The following BCAS1 variants were observed in gnomAD, a reference collection of about 807,000 sequenced individuals.
BCAS1 encodes the protein brain enriched myelin associated protein 1, also known as breast carcinoma-amplified sequence 1.
Under a neutral mutation model 65.4 loss-of-function variants are expected in BCAS1, and 46 were observed. The observed-to-expected ratio is 0.70, with a 90% confidence interval of 0.55 to 0.90. The LOEUF (loss-of-function observed/expected upper bound fraction) is 0.90. Ranked by LOEUF, BCAS1 falls within the 40% of genes least tolerant of loss-of-function variation. The probability of loss-of-function intolerance (pLI) is 0.00; values close to 1 mark genes in which losing one functional copy is unlikely to be tolerated. For missense variants in BCAS1, 793 were observed against 771.2 expected (o/e 1.03, Z -0.33); for synonymous variants, 298 against 293.5 (o/e 1.02, Z -0.16).
At chr20:54,063,952 T>C (rs2092405873) in intron 1 of BCAS1, among the ~76,000 whole-genome samples, 1 of 149,586 alleles carries the variant, frequency 6.7e-6, no homozygotes. Flanking sequence ...GTTTTGTCTT[T>C]ATGACCTTAT....
chr20:54,053,230 A>T (rs556709643), intron 3 of BCAS1, among the ~76,000 whole-genome samples: 6 of 152,236 alleles, frequency 3.9e-5, no homozygotes, highest in Admixed American at 6.5e-5. Context: ...TTTTTAATAT[A>T]TTGTTACTTA....
chr20:54,041,805 A>C (rs1447795460), intron 3 of BCAS1, among the ~76,000 whole-genome samples: 1 of 150,106 alleles, frequency 6.7e-6, no homozygotes, highest in Non-Finnish European at 1.5e-5. Context: ...AGGCGGTGGC[A>C]GGAGAATCAT....
At chr20:53,957,521 C>G in intron 10 of BCAS1, 24 bp from the exon 11 acceptor site, 1 of 1,602,904 alleles carries the variant, frequency 6.2e-7, no homozygotes, top group Non-Finnish European at 8.5e-7. Flanking sequence ...CAGACAATGG[C>G]CTTCAGCCAC....
intron 8 of BCAS1, among the ~76,000 whole-genome samples, chr20:53,978,796 A>G (rs775398568): frequency 6.6e-6 from 1 of 152,204 alleles, no homozygotes; most frequent in Admixed American, 6.5e-5. Flanking sequence ...TGACACATGT[A>G]AAAGAAAATC....
At chr20:53,977,574 G>C (rs189661838) in intron 8 of BCAS1, among the ~76,000 whole-genome samples, 16 of 152,232 alleles carry the variant, frequency 1.1e-4, no homozygotes, top group African/African-American at 3.9e-4. Flanking sequence ...GTTTCTGGTT[G>C]TTCATTGCTC....
chr20:54,021,397 T>TA (rs563492495), intron 4 of BCAS1, among the ~76,000 whole-genome samples: 7 of 91,224 alleles, frequency 7.7e-5, no homozygotes, highest in African/African-American at 1.4e-4. Context: ...GCATTACGTC[T>TA]AAAAAAAAAG....
intron 4 of BCAS1, among the ~76,000 whole-genome samples, chr20:54,006,913 C>CA (rs1360995000): frequency 1.3e-5 from 2 of 152,078 alleles, no homozygotes; most frequent in South Asian, 2.1e-4. Flanking sequence ...CCGAAGTGGA[C>CA]AAAAACACAG....
At chr20:53,957,088 G>A (rs958059565) in intron 11 of BCAS1, among the ~76,000 whole-genome samples, 3 of 152,156 alleles carry the variant, frequency 2.0e-5, no homozygotes, top group East Asian at 1.9e-4. Flanking sequence ...TTGTGATGAC[G>A]CTATGAAATA....
At chr20:54,033,978 A>G (rs1295116598) in intron 3 of BCAS1, among the ~76,000 whole-genome samples, 1 of 151,518 alleles carries the variant, frequency 6.6e-6, no homozygotes, top group Non-Finnish European at 1.5e-5. Context: ...TTGGTTCAAC[A>G]TATACAAATC....
At chr20:54,000,422 T>G (rs1025278025) in intron 4 of BCAS1, among the ~76,000 whole-genome samples, 1 of 152,236 alleles carries the variant, frequency 6.6e-6, no homozygotes, top group African/African-American at 2.4e-5. Context: ...TTTTTCTCCC[T>G]TATGTTTCCC....
intron 4 of BCAS1, among the ~76,000 whole-genome samples, chr20:53,998,382 G>T (rs1391570789): frequency 6.6e-6 from 1 of 152,230 alleles, no homozygotes; most frequent in African/African-American, 2.4e-5. Flanking sequence ...GGAAGCATGG[G>T]ACTGGCATCT....
chr20:53,959,070 C>G (rs902019959), intron 10 of BCAS1, among the ~76,000 whole-genome samples: 2 of 152,142 alleles, frequency 1.3e-5, no homozygotes, highest in African/African-American at 4.8e-5. Flanking sequence ...CAGGAGTCAA[C>G]TGTGCTCTTC....
chr20:53,967,131 G>T, intron 9 of BCAS1, 58 bp from the exon 10 acceptor site: 1 of 1,579,068 alleles, frequency 6.3e-7, no homozygotes, highest in East Asian at 2.3e-5. Context: ...CCCAAAACAT[G>T]TTTTACAAAG....
At chr20:53,972,998 T>C (rs1228862806) in intron 9 of BCAS1, among the ~76,000 whole-genome samples, 1 of 152,072 alleles carries the variant, frequency 6.6e-6, no homozygotes, top group Non-Finnish European at 1.5e-5. Flanking sequence ...GAGGCCAAGG[T>C]GGGCGGATCA....
rs1165735583 is a variant in BCAS1 at position 53,967,056 on chromosome 20, T to C, written c.1335A>G (p.Pro445=). 5.6e-6 allele frequency: 9 copies of C among 1,609,572 alleles called. No homozygotes were observed. The highest frequency in any genetic ancestry group is 2.2e-5 in the East Asian group (1 of 44,694). The part of the protein sequence containing the change: ...GAEENVVCES[P]VEIIKSKEVE... ...CTTCCTTGGACTTTATAATCTCTAC[T>C]GGTGACTCACACACCACCTGGATTA... Residue 445 remains proline, a synonymous_variant, in exon 10 of 13, where the codon CCA becomes CCG. Transcript: ENST00000688948.
chr20:54,007,094 G>T (rs1431212435), intron 4 of BCAS1, among the ~76,000 whole-genome samples: 2 of 152,106 alleles, frequency 1.3e-5, no homozygotes, highest in African/African-American at 4.8e-5. Context: ...CCCCAGCCTG[G>T]GTCCACTGCT....
intron 10 of BCAS1, among the ~76,000 whole-genome samples, chr20:53,961,302 C>A (rs1485835031): frequency 6.6e-6 from 1 of 152,174 alleles, no homozygotes; most frequent in Non-Finnish European, 1.5e-5. Flanking sequence ...AAGAATTGGG[C>A]TGAAAATTTA....
chr20:53,995,210 G>A (rs912862466), intron 5 of BCAS1, among the ~76,000 whole-genome samples, 154 bp from the exon 6 acceptor site: 1 of 152,110 alleles, frequency 6.6e-6, no homozygotes, highest in African/African-American at 2.4e-5. Context: ...TCTCAGGACC[G>A]CCGGGTAATA....
intron 10 of BCAS1, among the ~76,000 whole-genome samples, chr20:53,958,830 C>G (rs978201302): frequency 2.6e-5 from 4 of 152,142 alleles, no homozygotes. Context: ...ATGGAACTAG[C>G]AGGTTTGAGT....
Sources: allele counts gnomAD v4.1 joint callset (sites outside exome capture counted in the v4.1 genomes callset), GRCh38; gene constraint gnomAD v4.1.1; transcripts MANE v1.5; gene names NCBI Gene and HGNC (gene_info 2026-07-23, HGNC 2026-07-21).